The following DYM variants were observed in gnomAD, a reference collection of about 807,000 sequenced individuals.
DYM encodes dyggve-Melchior-Clausen syndrome protein.
Under a neutral mutation model 93.1 loss-of-function variants are expected in DYM, and 78 were observed. The ratio of observed to expected loss-of-function variants is 0.84; its 90% CI spans 0.70 to 1.01. The LOEUF is 1.01. Ranked by LOEUF, DYM falls within the 50% of genes least tolerant of loss-of-function variation. DYM has a pLI of 0.00. For missense variants in DYM, 789 were observed against 845.0 expected (o/e 0.93, Z 0.82); for synonymous variants, 321 against 319.7 (o/e 1.00, Z -0.04).
At chr18:49,272,111 G>C in intron 11 of DYM, 67 bp downstream of exon 11, 1 of 1,445,430 alleles carries the variant, frequency 6.9e-7, no homozygotes, top group Non-Finnish European at 9.7e-7. Flanking sequence ...GTAAAGACTA[G>C]TAAATCTTAC....
chr18:49,437,973 T>C (rs1166462801), intron 1 of DYM, among the ~76,000 whole-genome samples: 7 of 152,112 alleles, frequency 4.6e-5, no homozygotes, highest in Non-Finnish European at 7.4e-5. Flanking sequence ...AGCAGGAGGA[T>C]TGCTTGAGCC....
At position 49,040,795 on chromosome 18, in the gene DYM, G is replaced by C. The variant is rs957158560; in HGVS notation, c.*3260C>G. On this transcript the variant is annotated 3_prime_UTR_variant, in exon 18 of 18. Transcript: ENST00000675505. ...GCACAGGGTGACTCAATTATGCAGAGAGCTCTACCACCCAATGCAAAACCC... is the reference window on the plus strand; with the variant it reads ...GCACAGGGTGACTCAATTATGCAGACAGCTCTACCACCCAATGCAAAACCC... Among the ~76,000 whole-genome samples, 1 of 152,220 alleles carries C rather than the reference G, an allele frequency of 6.6e-6. No homozygotes were observed. The highest frequency in any genetic ancestry group is 6.5e-5 in the Admixed American group (1 of 15,278).
intron 6 of DYM, among the ~76,000 whole-genome samples, chr18:49,338,999 G>C (rs546849103): frequency 1.3e-5 from 2 of 152,156 alleles, no homozygotes; most frequent in Non-Finnish European, 2.9e-5. Flanking sequence ...CTAATATCAA[G>C]GCTATTACAA....
intron 13 of DYM, among the ~76,000 whole-genome samples, chr18:49,220,167 G>C (rs944396345): frequency 2.6e-5 from 4 of 152,044 alleles, no homozygotes; most frequent in African/African-American, 9.7e-5. Context: ...GCTTCAAAGA[G>C]AATAAAATAT....
At chr18:49,398,550 A>C (rs1436074631) in intron 2 of DYM, among the ~76,000 whole-genome samples, 1 of 152,228 alleles carries the variant, frequency 6.6e-6, no homozygotes, top group Non-Finnish European at 1.5e-5. Context: ...AAAGCCAGTT[A>C]GTAAGAAAGA....
chr18:49,255,818 T>G (rs2094382793), intron 13 of DYM, among the ~76,000 whole-genome samples: 2 of 152,042 alleles, frequency 1.3e-5, no homozygotes, highest in African/African-American at 4.8e-5. Flanking sequence ...AGTACCCCCA[T>G]ATGCTAAAAA....
intron 8 of DYM, among the ~76,000 whole-genome samples, chr18:49,324,112 G>A (rs2062709870): frequency 9.1e-6 from 1 of 110,002 alleles, no homozygotes; most frequent in Admixed American, 1.4e-4. Context: ...TCCAGCCTGA[G>A]TGACAGAGCC....
At position 49,317,645 on chromosome 18, in the gene DYM, TC is replaced by T. The variant is rs1317122861; in HGVS notation, c.763+14218del. On this transcript the variant is annotated intron_variant, in intron 8 of 17. Transcript: ENST00000675505. ...CCTCCCTCCCTCTCCTATCCTCTCC[TC>T]TCCTTCCTTCCTTCCTTCCTTCCTT... Among the ~76,000 whole-genome samples the T allele has an allele frequency of 3.2e-3, 85 of 26,716 alleles. 1 individual carries two copies. The highest frequency in any genetic ancestry group is 3.7e-3 in the Non-Finnish European group (56 of 15,070). 17.5% of individuals were successfully genotyped at this position (26,716 alleles called of 152,430 possible). A position where few individuals can be genotyped will look rare whatever the true frequency, so the allele number is the denominator to read the frequency against.
chr18:49,422,981 A>G (rs1316778959), intron 2 of DYM, among the ~76,000 whole-genome samples: 1 of 152,112 alleles, frequency 6.6e-6, no homozygotes, highest in Non-Finnish European at 1.5e-5. Flanking sequence ...AACATTAGAC[A>G]GATCAAGACA....
chr18:49,117,507 C>T (rs143397149), intron 16 of DYM, among the ~76,000 whole-genome samples: 21 of 151,942 alleles, frequency 1.4e-4, no homozygotes, highest in African/African-American at 1.2e-4. Context: ...AGTGCCTGTT[C>T]GATTCTTGTT....
chr18:49,125,152 C>T (rs547124153), intron 15 of DYM, among the ~76,000 whole-genome samples: 2 of 152,062 alleles, frequency 1.3e-5, no homozygotes, highest in Non-Finnish European at 2.9e-5. Context: ...CCCAGCTACT[C>T]AGGAGGCTGA....
intron 9 of DYM, 88 bp downstream of exon 9, chr18:49,286,346 C>A: frequency 7.0e-7 from 1 of 1,437,728 alleles, no homozygotes. Flanking sequence ...AATGGACACT[C>A]ATCTCCAAAA....
At chr18:49,354,098 T>C (rs2065344925) in intron 6 of DYM, among the ~76,000 whole-genome samples, 1 of 151,962 alleles carries the variant, frequency 6.6e-6, no homozygotes, top group Admixed American at 6.6e-5. Flanking sequence ...AGAACAGAAC[T>C]GAGCACTCAG....
At position 49,209,559 on chromosome 18, in the gene DYM, A is replaced by G. The variant is rs1253540817; in HGVS notation, c.1617T>C (p.Tyr539=). The change falls in exon 14 of 18, where the codon TAT becomes TAC. Residue 539 remains tyrosine (Y), a synonymous_variant. Transcript: ENST00000675505. ...CAGCAGAGGTTAATAACCTGGAAGC[A>G]TAGGATCTGAGAATGTGAGAGCAAG... ...SLTCSHILRS[Y]ASSLFSLLSK... The G allele has an allele frequency of 3.9e-6, 5 of 1,289,598 alleles. No individual in the cohort carries two copies. The highest frequency in any genetic ancestry group is 1.5e-5 in the African/African-American group (1 of 66,000). 79.9% of individuals were successfully genotyped at this position (1,289,598 alleles called of 1,614,324 possible).
intron 17 of DYM, among the ~76,000 whole-genome samples, chr18:49,075,253 C>A (rs144670133): frequency 6.6e-5 from 10 of 152,292 alleles, no homozygotes; most frequent in African/African-American, 2.4e-4. Context: ...TTCTGTCCAT[C>A]AACATGAGTC....
At chr18:49,380,077 AAGG>A (rs34193233) in intron 3 of DYM, among the ~76,000 whole-genome samples, 13,844 of 152,170 alleles carry the variant, frequency 0.091, 843 homozygotes, top group East Asian at 0.3. Flanking sequence ...TTTCTCTAGA[AAGG>A]AGATTTTTAA....
chr18:49,155,907 T>C (rs1028814847), intron 15 of DYM, among the ~76,000 whole-genome samples: 1 of 152,236 alleles, frequency 6.6e-6, no homozygotes, highest in African/African-American at 2.4e-5. Flanking sequence ...TGTTTTCAAT[T>C]CATTTGTATG....
At chr18:49,084,941 G>A (rs1307063474) in intron 17 of DYM, among the ~76,000 whole-genome samples, 5 of 152,134 alleles carry the variant, frequency 3.3e-5, no homozygotes, top group Admixed American at 3.3e-4. Context: ...AGGGTATATT[G>A]GGACTTCTGG....
intron 15 of DYM, 33 bp from the exon 16 acceptor site, chr18:49,118,959 A>G: frequency 1.3e-6 from 2 of 1,579,022 alleles, no homozygotes; most frequent in Non-Finnish European, 1.7e-6. Context: ...ACACAGAGTC[A>G]GTCTTTTCCT....
Sources: gnomAD v4.1 joint callset for allele counts (sites outside exome capture counted in the v4.1 genomes callset) on GRCh38, gnomAD v4.1.1 for gene constraint, MANE v1.5 for transcripts, NCBI Gene and HGNC (gene_info 2026-07-23, HGNC 2026-07-21) for gene names.